The following NUP85 variants were observed in gnomAD, a reference collection of about 807,000 sequenced individuals.
NUP85 encodes the protein nuclear pore complex protein Nup85.
Under a neutral mutation model 92.8 loss-of-function variants are expected in NUP85, and 23 were observed. The ratio of observed to expected loss-of-function variants is 0.25; its 90% confidence interval spans 0.18 to 0.35. The LOEUF (loss-of-function observed/expected upper bound fraction) is 0.35, where lower values mean the gene tolerates loss of function less well. Ranked by LOEUF, NUP85 falls within the 10% of genes least tolerant of loss-of-function variation. NUP85 has a pLI of 1.00. For missense variants in NUP85, 759 were observed against 822.8 expected, an observed-to-expected ratio of 0.92 and a Z score of 0.95; for synonymous variants, 314 against 306.9, an observed-to-expected ratio of 1.02 and a Z score of -0.24.
chr17:75,218,740 C>G (rs2075510709), intron 7 of NUP85, among the ~76,000 whole-genome samples: 1 of 151,594 alleles, frequency 6.6e-6, no homozygotes, highest in South Asian at 2.1e-4. Flanking sequence ...CCCTCCATCT[C>G]AAAACAAATT....
In NUP85 at chr17:75,208,549, A is replaced by G. The variant is rs201542143; in HGVS notation, c.56A>G (p.Lys19Arg). Residue 19 changes from lysine to arginine, a missense_variant, in exon 2 of 19, where the codon AAG (lysine) becomes AGG (arginine). By Grantham distance (26) the Lys-to-Arg change is conservative. Coordinates refer to ENST00000245544, the MANE Select transcript of NUP85 (RefSeq NM_024844.5). ...TAGTTGATTCCAGGCGTGAATTCCA[A>G]GAAGAACCAAATGTATTTTGACTGG... ...TVTLIPGVNS[K>R]KNQMYFDWGP... is the part of the protein sequence containing the mutation. The G allele has an allele frequency of 5.0e-5, 81 of 1,604,264 alleles. No individual in the cohort carries two copies. In the East Asian group the frequency reaches 8.0e-4, roughly 16 times the overall value.
chr17:75,231,424 G>A lies in NUP85; in HGVS notation c.1178+1G>A. The A allele has an allele frequency of 1.2e-6, 2 of 1,614,198 alleles. No homozygotes were observed. The highest frequency in any genetic ancestry group is 1.7e-6 in the Non-Finnish European group (2 of 1,180,028). On this transcript the variant is annotated splice_donor_variant, in intron 12 of 18. Transcript: ENST00000245544. LOFTEE classifies it high-confidence loss of function. The surrounding 1 kb of genome is among the most constrained non-coding windows in gnomAD (Gnocchi z 4.6). ...AGCTCCTCCAGTCACACAACCTCTA[G>A]TAAGTGGCCGGGAGGCACCGATCCT...
chr17:75,234,708 T>G lies in NUP85; in HGVS notation c.1687T>G (p.Leu563Val). The G allele has an allele frequency of 6.2e-7, 1 of 1,614,236 alleles. No homozygotes were observed. Among genetic ancestry groups the G allele is most frequent in the Non-Finnish European group, 8.5e-7 (1 of 1,180,034 alleles). ...CGACGCAGCTTCTCTCCTTCTGTCC[T>G]TGATGACGTCTCGGATTGCCCCTCG... ...FADAASLLLS[L>V]MTSRIAPRSF... Residue 563 changes from leucine to valine, a missense_variant, in exon 17 of 19, where the codon TTG becomes GTG. Coordinates refer to ENST00000245544, the MANE Select transcript of NUP85 (RefSeq NM_024844.5).
Position 75,209,852 on chromosome 17 carries a change from T to C in NUP85, c.157T>C (p.Phe53Leu). The part of the protein sequence containing the change: ...EKSEMVPSCP[F>L]IYIIRKDVDV... The stretch of plus-strand genomic sequence containing the variant: ...ATCAGAGATGGTGCCAAGTTGCCCC[T>C]TTATCTATATCATCCGTAAGGATGT... The change falls in exon 3 of 19, where the codon TTT becomes CTT. Residue 53 changes from phenylalanine (F) to leucine (L), a missense_variant. By Grantham distance (22) the Phe-to-Leu change is conservative. Coordinates refer to ENST00000245544, the MANE Select transcript of NUP85 (RefSeq NM_024844.5). 1 of 1,578,138 alleles carries C rather than the reference T, an allele frequency of 6.3e-7. No individual in the cohort carries two copies. The highest frequency in any genetic ancestry group is 1.2e-5 in the South Asian group (1 of 84,434).
In NUP85 at chr17:75,218,231, G is replaced by A; in HGVS notation, c.522G>A (p.Val174=). Residue 174 remains valine, a synonymous_variant, in exon 7 of 19, where the codon GTG becomes GTA. Coordinates refer to ENST00000245544, the MANE Select transcript of NUP85 (RefSeq NM_024844.5). ...LHLLDWVRLH[V]CEVDSLSADV... Reference sequence around the variant, plus strand: ...TCCTTGACTGGGTCCGGCTCCATGTGTGCGAGGTGGACAGTTTGTCGGCAG... The same window carrying A: ...TCCTTGACTGGGTCCGGCTCCATGTATGCGAGGTGGACAGTTTGTCGGCAG... The A allele has an allele frequency of 6.2e-7, 1 of 1,614,004 alleles. No individual in the cohort carries two copies. Among genetic ancestry groups the A allele is most frequent in the Non-Finnish European group, 8.5e-7 (1 of 1,179,960 alleles).
intron 1 of NUP85, among the ~76,000 whole-genome samples, chr17:75,206,285 C>T (rs1382312884): frequency 1.3e-5 from 2 of 152,044 alleles, no homozygotes; most frequent in Non-Finnish European, 2.9e-5. Context: ...TGTGGATGAT[C>T]TGTGATGTGT....
At chr17:75,223,054 A>AAC (rs58144088) in intron 7 of NUP85, among the ~76,000 whole-genome samples, 3 of 151,276 alleles carry the variant, frequency 2.0e-5, no homozygotes, top group African/African-American at 7.3e-5. Flanking sequence ...AAAAAAAAAA[A>AAC]CTCAGGGCCA....
At chr17:75,222,738 C>T (rs1290018158) in intron 7 of NUP85, among the ~76,000 whole-genome samples, 1 of 151,714 alleles carries the variant, frequency 6.6e-6, no homozygotes, top group Non-Finnish European at 1.5e-5. Flanking sequence ...ATTGTTGAAT[C>T]ATTAACAGTG....
intron 7 of NUP85, among the ~76,000 whole-genome samples, chr17:75,220,878 A>ATTT (rs71159457): frequency 5.7e-4 from 56 of 97,508 alleles, no homozygotes; most frequent in East Asian, 8.3e-4. Context: ...CACCATCCCA[A>ATTT]TTTTTTTTTT....
chr17:75,208,618 A>G lies in NUP85; in HGVS notation c.125A>G (p.Lys42Arg). Reference sequence around the variant, plus strand: ...GTATGTGAAACCTCCTTCAACAAAAAAGGTAGGGTTTTTTTTCTTCCAAAT... The same window carrying G: ...GTATGTGAAACCTCCTTCAACAAAAGAGGTAGGGTTTTTTTTCTTCCAAAT... The part of the protein sequence containing the change: ...MLVCETSFNK[K>R]EKSEMVPSCP... The change falls in exon 2 of 19, where the codon AAA becomes AGA. Residue 42 changes from lysine (K) to arginine (R), a missense_variant and splice_region_variant. Coordinates refer to ENST00000245544, the MANE Select transcript of NUP85 (RefSeq NM_024844.5). The G allele has an allele frequency of 6.4e-7, 1 of 1,567,826 alleles. No individual in the cohort carries two copies. Among genetic ancestry groups the G allele is most frequent in the Non-Finnish European group, 8.8e-7 (1 of 1,140,334 alleles).
chr17:75,231,896 A>G lies in NUP85; in HGVS notation c.1313A>G (p.His438Arg), dbSNP rs1345479877. ...PELGRVSLEL[H>R]IERIPLNTEQ... ...CTGGGCCGAGTCTCCCTGGAGCTGC[A>G]CATTGAGCGGATACCTCTGAACACC... The change falls in exon 14 of 19, where the codon CAC becomes CGC. Residue 438 changes from histidine (H) to arginine (R), a missense_variant. Transcript: ENST00000245544. This position sits in a 1 kb window ranked among gnomAD's most constrained non-coding sequence, Gnocchi z 4.6. The G allele has an allele frequency of 6.2e-7, 1 of 1,614,228 alleles. No homozygotes were observed. The highest frequency in any genetic ancestry group is 1.1e-5 in the South Asian group (1 of 91,088).
At chr17:75,230,272 A>T (rs887961708) in intron 11 of NUP85, among the ~76,000 whole-genome samples, 1 of 151,528 alleles carries the variant, frequency 6.6e-6, no homozygotes, top group South Asian at 2.1e-4. Flanking sequence ...TGAACTCCTG[A>T]GCTCAAGTGA....
At chr17:75,235,283 A>C in intron 18 of NUP85, 82 bp downstream of exon 18, 1 of 985,172 alleles carries the variant, frequency 1.0e-6, no homozygotes, top group Non-Finnish European at 1.5e-6. Flanking sequence ...TTCCCTCCAG[A>C]AACACTGGCT....
Position 75,232,877 on chromosome 17 carries a change from A to G in NUP85, c.1423A>G (p.Met475Val). 2.5e-6 allele frequency: 4 copies of G among 1,614,232 alleles called. No individual in the cohort carries two copies. Among genetic ancestry groups the G allele is most frequent in the Non-Finnish European group, 3.4e-6 (4 of 1,180,040 alleles). ...TCGCAGCATTTGTAAGATCTTAGCC[A>G]TGAAAGCCGTCCGCAACAATCGCCT... ...QVRSICKILAMKAVRNNRLGS... is the reference protein window; with the variant it reads ...QVRSICKILAVKAVRNNRLGS... The change falls in exon 15 of 19, where the codon ATG (methionine) becomes GTG (valine). Residue 475 changes from methionine (M) to valine (V), a missense_variant. By Grantham distance (21) the Met-to-Val change is conservative. Coordinates refer to ENST00000245544, the MANE Select transcript of NUP85 (RefSeq NM_024844.5).
chr17:75,217,884 T>C (rs544454832), intron 6 of NUP85, among the ~76,000 whole-genome samples: 2 of 152,316 alleles, frequency 1.3e-5, no homozygotes, highest in South Asian at 2.1e-4. Context: ...CCATTACTTA[T>C]GTAGCTATTA....
At chr17:75,230,943 T>TTTC (rs1483670497) in intron 11 of NUP85, among the ~76,000 whole-genome samples, 2 of 151,368 alleles carry the variant, frequency 1.3e-5, no homozygotes, top group East Asian at 2.0e-4. Context: ...GCGATTTTTT[T>TTTC]TTTTTTGAGA....
chr17:75,208,992 C>T lies in NUP85; in HGVS notation c.127+372C>T, dbSNP rs571929117. ...CTCCTGGCCTCAAGCGATCCTGTTG[C>T]ATTTTGGCATTTTTATTTTTGAAAT... On this transcript the variant is annotated intron_variant, in intron 2 of 18. Transcript: ENST00000245544. 2.0e-5 allele frequency among the ~76,000 whole-genome samples: 3 copies of T among 152,124 alleles called. No homozygotes were observed. In the South Asian group the frequency reaches 6.2e-4, roughly 32 times the overall value.
intron 6 of NUP85, among the ~76,000 whole-genome samples, chr17:75,217,951 C>A (rs8066937): frequency 1.1e-4 from 16 of 152,252 alleles, no homozygotes; most frequent in African/African-American, 3.9e-4. Context: ...CATGTTCACC[C>A]CTTTCTGGGG....
rs112290559 is a variant in NUP85, at chr17:75,218,442, A to C, written c.597+136A>C. On this transcript the variant is annotated intron_variant, in intron 7 of 18. Coordinates refer to ENST00000245544, the MANE Select transcript of NUP85 (RefSeq NM_024844.5). ...TCTGTTACTATGGAGACTCTTTTGG[A>C]TCTTTTCTTCCCTGCTCTATGGGAG... The C allele has an allele frequency of 2.0e-5, 21 of 1,046,236 alleles. No homozygotes were observed. The African/African-American group carries it at 2.1e-4, about 10-fold the overall frequency. 64.8% of individuals were successfully genotyped at this position (1,046,236 alleles called of 1,614,324 possible).
Sources: allele counts gnomAD v4.1 joint callset (sites outside exome capture counted in the v4.1 genomes callset), GRCh38; gene constraint gnomAD v4.1.1; non-coding constraint Gnocchi (gnomAD v3.1); transcripts MANE v1.5; gene names NCBI Gene and HGNC (gene_info 2026-07-23, HGNC 2026-07-21).